The following OBI1 variants were observed in gnomAD, a reference collection of about 807,000 sequenced individuals.
The protein encoded by OBI1 is ORC ubiquitin ligase 1.
In OBI1, 59 loss-of-function variants were observed where a neutral mutation model predicts 62.4. The observed-to-expected ratio is 0.95, with a 90% CI of 0.77 to 1.17. The LOEUF is 1.17. Among genes scored for constraint, OBI1 ranks in the 50% most tolerant of loss-of-function variants. The probability of loss-of-function intolerance (pLI) is 0.00; values close to 1 mark genes in which losing one functional copy is unlikely to be tolerated. For synonymous variants in OBI1, 302 were observed against 292.8 expected (o/e 1.03, Z -0.32); for missense variants, 875 against 830.9 (o/e 1.05, Z -0.65).
intron 5 of OBI1, among the ~76,000 whole-genome samples, chr13:78,628,101 A>G (rs927331027): frequency 3.9e-5 from 6 of 152,214 alleles, no homozygotes; most frequent in African/African-American, 1.4e-4. Context: ...CTGTGAAGAC[A>G]ATACTATAAT....
chr13:78,651,914 A>G (rs1188257417), intron 1 of OBI1, among the ~76,000 whole-genome samples: 1 of 152,180 alleles, frequency 6.6e-6, no homozygotes, highest in African/African-American at 2.4e-5. Context: ...AACAATCCTA[A>G]AAGTGCTTCA....
chr13:78,631,644 A>G (rs1019977618), intron 5 of OBI1, among the ~76,000 whole-genome samples: 1 of 152,134 alleles, frequency 6.6e-6, no homozygotes, highest in African/African-American at 2.4e-5. Context: ...AGGATTCAGA[A>G]AGTGGCTAAA....
At chr13:78,636,909 T>C (rs1176946528) in intron 4 of OBI1, among the ~76,000 whole-genome samples, 1 of 152,198 alleles carries the variant, frequency 6.6e-6, no homozygotes, top group Non-Finnish European at 1.5e-5. Context: ...TATGTTTCAG[T>C]CTCTCAACAG....
chr13:78,642,037 C>A, intron 3 of OBI1, 85 bp downstream of exon 3: 1 of 599,508 alleles, frequency 1.7e-6, no homozygotes, highest in South Asian at 2.8e-5. Context: ...TGGATATTTA[C>A]TCTAAGAAGT....
intron 5 of OBI1, among the ~76,000 whole-genome samples, chr13:78,623,259 A>C (rs560693986): frequency 7.0e-6 from 1 of 143,862 alleles, no homozygotes; most frequent in Non-Finnish European, 1.5e-5. Context: ...GATATACTGA[A>C]AGAGAACATT....
chr13:78,653,162 C>T (rs751583441), intron 1 of OBI1, among the ~76,000 whole-genome samples: 6 of 152,188 alleles, frequency 3.9e-5, no homozygotes, highest in Non-Finnish European at 8.8e-5. Flanking sequence ...TACACATTGG[C>T]TTCAAACAGC....
intron 5 of OBI1, among the ~76,000 whole-genome samples, chr13:78,622,241 A>G (rs1399118562): frequency 1.3e-5 from 2 of 152,126 alleles, no homozygotes; most frequent in African/African-American, 4.8e-5. Flanking sequence ...TCAGCAGTTC[A>G]AGACCAGCCT....
At chr13:78,637,663 T>G (rs1157840952) in intron 4 of OBI1, among the ~76,000 whole-genome samples, 1 of 152,232 alleles carries the variant, frequency 6.6e-6, no homozygotes, top group East Asian at 1.9e-4. Flanking sequence ...TAGTATCCTA[T>G]TGTCTTCTAA....
At chr13:78,646,004 T>C (rs909157760) in intron 1 of OBI1, among the ~76,000 whole-genome samples, 8 of 152,256 alleles carry the variant, frequency 5.3e-5, no homozygotes, top group Admixed American at 3.9e-4. Flanking sequence ...CCCCAACCCT[T>C]TTCCATCTCT....
At chr13:78,634,100 A>T (rs186454376) in intron 5 of OBI1, among the ~76,000 whole-genome samples, 3 of 148,620 alleles carry the variant, frequency 2.0e-5, no homozygotes, top group Admixed American at 1.3e-4. Context: ...AAAACAAAAA[A>T]AAAAAACAAA....
At chr13:78,617,799 T>TATGA (rs1371554365) in intron 5 of OBI1, among the ~76,000 whole-genome samples, 4 of 152,076 alleles carry the variant, frequency 2.6e-5, no homozygotes, top group Non-Finnish European at 4.4e-5. Context: ...AACTTTGAAA[T>TATGA]ATGAAGTCAG....
At chr13:78,627,270 C>T (rs972609352) in intron 5 of OBI1, among the ~76,000 whole-genome samples, 3 of 144,526 alleles carry the variant, frequency 2.1e-5, no homozygotes, top group African/African-American at 7.8e-5. Context: ...TTTAGACATA[C>T]ACATTCCCCC....
chr13:78,647,230 T>C (rs1275420402), intron 1 of OBI1, among the ~76,000 whole-genome samples: 1 of 152,210 alleles, frequency 6.6e-6, no homozygotes, highest in Non-Finnish European at 1.5e-5. Context: ...CGGTCTGTGC[T>C]GAGGAGGATT....
rs770447882 is a variant in OBI1, at chr13:78,659,091, C to G, written c.30G>C (p.Leu10Phe). 20 of 1,612,564 alleles carry G rather than the reference C, an allele frequency of 1.2e-5. No homozygotes were observed. The South Asian group carries it at 1.6e-4, about 13-fold the overall frequency. MAQTVQNVTLSLTLPITCHI... is the reference protein window; with the variant it reads MAQTVQNVTFSLTLPITCHI... ...GGCACGTGATGGGCAGAGTGAGCGA[C>G]AATGTAACATTCTGCACGGTCTGAG... The change falls in exon 1 of 6, where the codon TTG (leucine) becomes TTC (phenylalanine). Residue 10 changes from leucine to phenylalanine, a missense_variant. Transcript: ENST00000282003.
chr13:78,642,107 T>C lies in OBI1; in HGVS notation c.300+15A>G. 2.7e-6 allele frequency: 4 copies of C among 1,490,720 alleles called. No homozygotes were observed. The highest frequency in any genetic ancestry group is 2.3e-5 in the East Asian group (1 of 44,108). 92.3% of individuals were successfully genotyped at this position (1,490,720 alleles called of 1,614,324 possible). ...TTCACTGCTAACATAATTTTAAACT[T>C]TGATTACTGTTTACCTCATATTCTT... On this transcript the variant is annotated intron_variant, in intron 3 of 5. Coordinates refer to ENST00000282003, the MANE Select transcript of OBI1 (RefSeq NM_024546.4).
chr13:78,618,262 G>T (rs1269917799), intron 5 of OBI1, among the ~76,000 whole-genome samples: 1 of 151,624 alleles, frequency 6.6e-6, no homozygotes, highest in African/African-American at 2.4e-5. Context: ...AAGAATTAAG[G>T]GATTGTCTGT....
At chr13:78,656,481 C>A (rs1265259930) in intron 1 of OBI1, among the ~76,000 whole-genome samples, 1 of 151,916 alleles carries the variant, frequency 6.6e-6, no homozygotes, top group Non-Finnish European at 1.5e-5. Flanking sequence ...ACTCAGGAGG[C>A]TGAGGCAGGA....
At chr13:78,654,409 A>T (rs1876637414) in intron 1 of OBI1, among the ~76,000 whole-genome samples, 1 of 152,206 alleles carries the variant, frequency 6.6e-6, no homozygotes, top group Non-Finnish European at 1.5e-5. Context: ...ACAATTATGT[A>T]CAAGGCTGGT....
intron 5 of OBI1, among the ~76,000 whole-genome samples, chr13:78,628,360 T>C (rs1223044273): frequency 6.6e-6 from 1 of 152,220 alleles, no homozygotes; most frequent in Non-Finnish European, 1.5e-5. Context: ...TACCCAACCA[T>C]GATTTTATTA....
Sources: gnomAD v4.1 joint callset for allele counts (sites outside exome capture counted in the v4.1 genomes callset) on GRCh38, gnomAD v4.1.1 for gene constraint, MANE v1.5 for transcripts, NCBI Gene and HGNC (gene_info 2026-07-23, HGNC 2026-07-21) for gene names.